IMMP1L: variants seen among roughly 807,000 people sequenced by gnomAD.
IMMP1L encodes inner mitochondrial membrane peptidase subunit 1.
In IMMP1L, 24 loss-of-function variants were observed where a neutral mutation model predicts 21.8. The observed-to-expected ratio is 1.10, with a 90% CI of 0.80 to 1.55. The LOEUF is 1.55. Among genes scored for constraint, IMMP1L ranks in the 40% most tolerant of loss-of-function variants. The pLI, the probability that IMMP1L is intolerant of heterozygous loss-of-function variation, is 0.00. For missense variants in IMMP1L, 195 were observed against 200.7 expected, an observed-to-expected ratio of 0.97 and a Z score of 0.17; for synonymous variants, 46 against 62.8, an observed-to-expected ratio of 0.73 and a Z score of 1.26.
At chr11:31,460,817 T>G (rs1203223663) in intron 2 of IMMP1L, 103 bp from the exon 3 acceptor site, 1 of 845,906 alleles carries the variant, frequency 1.2e-6, no homozygotes, top group Non-Finnish European at 1.9e-6. Flanking sequence ...CAAATGTTCC[T>G]AAAGCTTGGG....
rs991213484 is a variant in IMMP1L, at chr11:31,442,223, A to G, written c.322-8653T>C. Among the ~76,000 whole-genome samples the G allele has an allele frequency of 2.0e-5, 3 of 152,180 alleles. No individual in the cohort carries two copies. In the East Asian group the frequency reaches 5.8e-4, roughly 29 times the overall value. ...TAAAACCTAATCTCAGGGCTGGACA[A>G]AAGAATCAAGCCTCTAGTTCTCAGC... On this transcript the variant is annotated intron_variant, in intron 4 of 5. Coordinates refer to ENST00000532287, the MANE Select transcript of IMMP1L (RefSeq NM_001304274.2).
intron 1 of IMMP1L, among the ~76,000 whole-genome samples, chr11:31,471,806 C>T (rs1000343007): frequency 6.6e-6 from 1 of 152,156 alleles, no homozygotes; most frequent in Non-Finnish European, 1.5e-5. Context: ...AACAAATTAC[C>T]ATAAACTTAG....
intron 4 of IMMP1L, among the ~76,000 whole-genome samples, chr11:31,435,802 G>A (rs1953099156): frequency 6.6e-6 from 1 of 151,954 alleles, no homozygotes; most frequent in African/African-American, 2.4e-5. Flanking sequence ...TTTCTGTTAT[G>A]AGCCTTTGCT....
At chr11:31,453,975 G>A (rs779968849) in intron 4 of IMMP1L, among the ~76,000 whole-genome samples, 7 of 152,074 alleles carry the variant, frequency 4.6e-5, no homozygotes, top group African/African-American at 1.2e-4. Flanking sequence ...CTCACTGTTC[G>A]AAATTGGGCA....
intron 3 of IMMP1L, among the ~76,000 whole-genome samples, chr11:31,458,665 T>C (rs1311138953): frequency 6.6e-6 from 1 of 152,152 alleles, no homozygotes; most frequent in Non-Finnish European, 1.5e-5. Flanking sequence ...AGAAAGAGAA[T>C]ACTCAGGACA....
chr11:31,467,618 A>T (rs186482217), intron 1 of IMMP1L, among the ~76,000 whole-genome samples: 1 of 152,268 alleles, frequency 6.6e-6, no homozygotes, highest in East Asian at 1.9e-4. Context: ...GGGAATAGGG[A>T]AAGTTCTTCA....
chr11:31,485,554 A>G (rs890479242), intron 1 of IMMP1L, among the ~76,000 whole-genome samples: 3 of 151,886 alleles, frequency 2.0e-5, no homozygotes, highest in African/African-American at 7.2e-5. Flanking sequence ...TTAAAATGCT[A>G]GCACACATTC....
intron 4 of IMMP1L, among the ~76,000 whole-genome samples, chr11:31,442,698 T>C (rs1953377764): frequency 6.6e-6 from 1 of 152,262 alleles, no homozygotes; most frequent in South Asian, 2.1e-4. Flanking sequence ...ACAATAGTCA[T>C]GAAAGAAACA....
At chr11:31,506,851 T>G (rs1663019953) in intron 1 of IMMP1L, among the ~76,000 whole-genome samples, 1 of 151,720 alleles carries the variant, frequency 6.6e-6, no homozygotes, top group South Asian at 2.1e-4. Flanking sequence ...TCCCAACTAC[T>G]CAGGAGGCTG....
intron 1 of IMMP1L, among the ~76,000 whole-genome samples, chr11:31,498,875 T>TA (rs1490163415): frequency 1.3e-5 from 2 of 152,184 alleles, no homozygotes; most frequent in Admixed American, 6.5e-5. Flanking sequence ...GGGACTACAA[T>TA]AGGCATTCAA....
intron 4 of IMMP1L, among the ~76,000 whole-genome samples, chr11:31,439,636 A>AT (rs1200682545): frequency 1.3e-5 from 2 of 152,048 alleles, no homozygotes; most frequent in Non-Finnish European, 2.9e-5. Flanking sequence ...TGCTGAGTAG[A>AT]TTTTGTTGTC....
At chr11:31,490,763 T>G (rs2133789485) in intron 1 of IMMP1L, among the ~76,000 whole-genome samples, 1 of 152,226 alleles carries the variant, frequency 6.6e-6, no homozygotes, top group Non-Finnish European at 1.5e-5. Context: ...ATCTGGAACC[T>G]CAGAACATGA....
At chr11:31,494,603 G>A (rs974289809) in intron 1 of IMMP1L, among the ~76,000 whole-genome samples, 1 of 152,048 alleles carries the variant, frequency 6.6e-6, no homozygotes, top group African/African-American at 2.4e-5. Flanking sequence ...CCAGAAAATG[G>A]GTTTTTCTTT....
chr11:31,509,505 G>A lies in IMMP1L; in HGVS notation c.-30+14C>T. On this transcript the variant is annotated intron_variant, in intron 1 of 5. Transcript: ENST00000532287. ...GCACTCAAAAGGAGAAGAACGTTAC[G>A]TGATATTACCTACCTCGGGCCCCAA... The A allele has an allele frequency of 4.0e-6, 2 of 506,016 alleles. No individual in the cohort carries two copies. The highest frequency in any genetic ancestry group is 7.2e-6 in the Non-Finnish European group (2 of 278,554). 31.3% of individuals were successfully genotyped at this position (506,016 alleles called of 1,614,324 possible). A position where few individuals can be genotyped will look rare whatever the true frequency, so the allele number is the denominator to read the frequency against.
intron 1 of IMMP1L, among the ~76,000 whole-genome samples, chr11:31,470,553 G>A (rs888844118): frequency 6.6e-6 from 1 of 151,686 alleles, no homozygotes; most frequent in Non-Finnish European, 1.5e-5. Flanking sequence ...TATTTTACAG[G>A]ACATAAAACA....
At chr11:31,454,700 A>T in intron 4 of IMMP1L, among the ~76,000 whole-genome samples, 1 of 152,206 alleles carries the variant, frequency 6.6e-6, no homozygotes, top group Non-Finnish European at 1.5e-5. Context: ...TTTACATCTT[A>T]CAGTGCTGGT....
chr11:31,491,964 G>C (rs555372315), intron 1 of IMMP1L, among the ~76,000 whole-genome samples: 154 of 152,298 alleles, frequency 1.0e-3, no homozygotes, highest in Admixed American at 3.9e-3. Context: ...AGGCAGAGTA[G>C]CTTTAGTATA....
intron 1 of IMMP1L, among the ~76,000 whole-genome samples, chr11:31,494,835 C>A (rs1955381076): frequency 6.6e-6 from 1 of 152,046 alleles, no homozygotes. Context: ...TTAGTAGAAA[C>A]AGGTTTCACT....
intron 4 of IMMP1L, among the ~76,000 whole-genome samples, chr11:31,445,607 C>T (rs1008014905): frequency 2.0e-5 from 3 of 152,112 alleles, no homozygotes; most frequent in Non-Finnish European, 4.4e-5. Context: ...ACAGACTTCT[C>T]CTGCTTGTGT....
Sources: gnomAD v4.1 joint callset for allele counts (sites outside exome capture counted in the v4.1 genomes callset) on GRCh38, gnomAD v4.1.1 for gene constraint, MANE v1.5 for transcripts, NCBI Gene and HGNC (gene_info 2026-07-23, HGNC 2026-07-21) for gene names.